The following TIMP3 variants were observed in gnomAD, a reference collection of about 807,000 sequenced individuals.
TIMP3 encodes metalloproteinase inhibitor 3.
TIMP3 carries 11 observed loss-of-function variants against 30.0 expected under a neutral mutation model. That is an observed-to-expected ratio of 0.37 (90% CI 0.23 to 0.61). The LOEUF is 0.61. Ranked by LOEUF, TIMP3 falls within the 20% of genes least tolerant of loss-of-function variation. The pLI, the probability that TIMP3 is intolerant of heterozygous loss-of-function variation, is 0.70. For synonymous variants in TIMP3, 112 were observed against 111.3 expected (o/e 1.01, Z -0.04); for missense variants, 181 against 276.8 (o/e 0.65, Z 2.45).
intron 1 of TIMP3, among the ~76,000 whole-genome samples, chr22:32,820,272 G>A (rs530482837): frequency 6.1e-5 from 9 of 146,702 alleles, no homozygotes; most frequent in Non-Finnish European, 1.3e-4. Flanking sequence ...GCGTGCGCGT[G>A]TGTGTGTGTG....
chr22:32,859,450 T>A lies in TIMP3; in HGVS notation c.*73T>A. On this transcript the variant is annotated 3_prime_UTR_variant, in exon 5 of 5. Coordinates refer to ENST00000266085, the MANE Select transcript of TIMP3 (RefSeq NM_000362.5). Reference sequence around the variant, plus strand: ...CCCTTGGACACTAACTCTTCCCAGATGATGACAATGAAATTAGTGCCTGTT... The same window carrying A: ...CCCTTGGACACTAACTCTTCCCAGAAGATGACAATGAAATTAGTGCCTGTT... The A allele has an allele frequency of 6.6e-7, 1 of 1,520,856 alleles. No homozygotes were observed. Among genetic ancestry groups the A allele is most frequent in the Non-Finnish European group, 8.8e-7 (1 of 1,132,308 alleles). The allele number at this position is 1,520,856 out of a possible 1,614,324, so 94.2% of individuals were successfully genotyped here. A position where few individuals can be genotyped will look rare whatever the true frequency, so the allele number is the denominator to read the frequency against.
At chr22:32,807,399 A>ATATTATATATAATATATAT (rs130273) in intron 1 of TIMP3, among the ~76,000 whole-genome samples, 17 of 118,334 alleles carry the variant, frequency 1.4e-4, no homozygotes, top group African/African-American at 4.0e-4. Flanking sequence ...TATATAATAT[A>ATATTATATATAATATATAT]TATATATTAT....
chr22:32,806,309 T>G (rs2046734290), intron 1 of TIMP3, among the ~76,000 whole-genome samples: 1 of 152,168 alleles, frequency 6.6e-6, no homozygotes, highest in African/African-American at 2.4e-5. Context: ...AGAAGTAGCT[T>G]GGGTGGAGGG....
At chr22:32,802,326 A>G (rs1317775946) in intron 1 of TIMP3, among the ~76,000 whole-genome samples, 1 of 152,144 alleles carries the variant, frequency 6.6e-6, no homozygotes, top group East Asian at 1.9e-4. Flanking sequence ...GGAAACTCAC[A>G]GTGGCTGAGG....
intron 1 of TIMP3, among the ~76,000 whole-genome samples, chr22:32,812,895 C>T (rs952279225): frequency 6.6e-6 from 1 of 152,216 alleles, no homozygotes; most frequent in Admixed American, 6.5e-5. Flanking sequence ...AACTTCACCA[C>T]TGCAAGGACT....
At chr22:32,835,895 G>C (rs1024771463) in intron 1 of TIMP3, among the ~76,000 whole-genome samples, 5 of 152,194 alleles carry the variant, frequency 3.3e-5, no homozygotes, top group Non-Finnish European at 7.3e-5. Context: ...GAGTTATGGA[G>C]AGTTAACTCC....
intron 1 of TIMP3, among the ~76,000 whole-genome samples, chr22:32,832,580 C>T (rs1601486841): frequency 6.6e-6 from 1 of 150,380 alleles, no homozygotes. Context: ...TACTTGGCCA[C>T]CCAGATGAGT....
chr22:32,851,037 T>A (rs2146253633), intron 2 of TIMP3, among the ~76,000 whole-genome samples: 1 of 152,278 alleles, frequency 6.6e-6, no homozygotes, highest in South Asian at 2.1e-4. Context: ...CCTGGCCAGT[T>A]GCCCTTGGCT....
At chr22:32,802,245 G>A (rs2046608947) in intron 1 of TIMP3, 123 bp downstream of exon 1, 3 of 1,394,712 alleles carry the variant, frequency 2.2e-6, no homozygotes, top group South Asian at 2.8e-5. Flanking sequence ...CGGGGTTGGG[G>A]CGGAGTGGAG....
intron 1 of TIMP3, among the ~76,000 whole-genome samples, chr22:32,816,969 C>T: frequency 6.6e-6 from 1 of 152,086 alleles, no homozygotes; most frequent in East Asian, 1.9e-4. Context: ...GCATATAACC[C>T]CACCTTGGGA....
chr22:32,813,516 C>T (rs904916873), intron 1 of TIMP3, among the ~76,000 whole-genome samples: 8 of 147,334 alleles, frequency 5.4e-5, no homozygotes, highest in African/African-American at 1.6e-4. Flanking sequence ...CACACACACA[C>T]ACACACACAC....
In TIMP3 at chr22:32,801,985, C is replaced by T; in HGVS notation, c.-17C>T. On this transcript the variant is annotated 5_prime_UTR_variant, in exon 1 of 5. Transcript: ENST00000266085. This position sits in a 1 kb window ranked among gnomAD's most constrained non-coding sequence, Gnocchi z 4.7. ...GAGAGGCGAGCAGCAGCCCCGGCAG[C>T]GGCGGCAGCAGCGGCAATGACCCCT... The T allele has an allele frequency of 6.3e-7, 1 of 1,581,856 alleles. No individual in the cohort carries two copies. Among genetic ancestry groups the T allele is most frequent in the Admixed American group, 1.7e-5 (1 of 57,290 alleles).
At chr22:32,820,468 C>G (rs566854437) in intron 1 of TIMP3, among the ~76,000 whole-genome samples, 1 of 152,174 alleles carries the variant, frequency 6.6e-6, no homozygotes, top group South Asian at 2.1e-4. Flanking sequence ...CCTGGAAAAC[C>G]TGCACCTGAA....
intron 1 of TIMP3, among the ~76,000 whole-genome samples, chr22:32,847,747 T>C (rs920566578): frequency 6.6e-6 from 1 of 152,240 alleles, no homozygotes; most frequent in African/African-American, 2.4e-5. Flanking sequence ...CAAGCATTTA[T>C]TGAGTATCTA....
intron 4 of TIMP3, among the ~76,000 whole-genome samples, chr22:32,858,423 C>T (rs1288776526): frequency 6.6e-6 from 1 of 152,154 alleles, no homozygotes; most frequent in Non-Finnish European, 1.5e-5. Context: ...CCTGGCCCCA[C>T]CTGGCAGTTC....
rs1405241482 is a variant in TIMP3, at chr22:32,857,232, G to A, written c.205-17G>A. 6.3e-7 allele frequency: 1 copy of A among 1,594,070 alleles called. No individual in the cohort carries two copies. The highest frequency in any genetic ancestry group is 8.6e-7 in the Non-Finnish European group (1 of 1,162,116). On this transcript the variant is annotated splice_polypyrimidine_tract_variant and intron_variant, in intron 2 of 4. Coordinates refer to ENST00000266085, the MANE Select transcript of TIMP3 (RefSeq NM_000362.5). ...AAACTGGGAAAGAAGAAGTCATGATGTTCCTTTTGCCCACAGATGTACCGA... is the reference window on the plus strand; with the variant it reads ...AAACTGGGAAAGAAGAAGTCATGATATTCCTTTTGCCCACAGATGTACCGA...
At position 32,833,416 on chromosome 22, in the gene TIMP3, G is replaced by T. The variant is rs12106567; in HGVS notation, c.122-16036G>T. ...AGCCACAGGGAAGCAGTCCAAAGGAGAATTTTTTTATAGTCAAAAAAAATG... is the reference window on the plus strand; with the variant it reads ...AGCCACAGGGAAGCAGTCCAAAGGATAATTTTTTTATAGTCAAAAAAAATG... On this transcript the variant is annotated intron_variant, in intron 1 of 4. Coordinates refer to ENST00000266085, the MANE Select transcript of TIMP3 (RefSeq NM_000362.5). 4.4e-3 allele frequency among the ~76,000 whole-genome samples: 666 copies of T among 152,314 alleles called. 5 individuals are homozygous for T. Among genetic ancestry groups the T allele is most frequent in the African/African-American group, 0.015 (611 of 41,570 alleles).
chr22:32,806,326 G>A (rs2046735040), intron 1 of TIMP3, among the ~76,000 whole-genome samples: 1 of 152,114 alleles, frequency 6.6e-6, no homozygotes, highest in South Asian at 2.1e-4. Flanking sequence ...AGGGATTTTT[G>A]TTTGTTTTGC....
At chr22:32,851,763 T>C (rs2048224305) in intron 2 of TIMP3, among the ~76,000 whole-genome samples, 1 of 152,192 alleles carries the variant, frequency 6.6e-6, no homozygotes. Context: ...GCCATCTTAA[T>C]CATCAGTCAC....
Sources: gnomAD v4.1 joint callset for allele counts (sites outside exome capture counted in the v4.1 genomes callset) on GRCh38, gnomAD v4.1.1 for gene constraint, Gnocchi (gnomAD v3.1) non-coding constraint, MANE v1.5 for transcripts, NCBI Gene and HGNC (gene_info 2026-07-23, HGNC 2026-07-21) for gene names.